Variants in RHOT1 observed in about 807,000 individuals in gnomAD.
The protein encoded by RHOT1 is mitochondrial Rho GTPase 1.
RHOT1 carries 27 observed loss-of-function variants against 95.3 expected under a neutral mutation model. That is an observed-to-expected ratio of 0.28 (90% CI 0.21 to 0.39). The LOEUF is 0.39. RHOT1 is among the 10% of genes least tolerant of loss of function. The probability of loss-of-function intolerance (pLI) is 1.00; values close to 1 mark genes in which losing one functional copy is unlikely to be tolerated. For missense variants in RHOT1, 578 were observed against 786.7 expected (o/e 0.73, Z 3.17); for synonymous variants, 227 against 263.5 (o/e 0.86, Z 1.34).
intron 19 of RHOT1, among the ~76,000 whole-genome samples, chr17:32,218,343 A>T (rs77980588): frequency 9.8e-4 from 149 of 151,974 alleles, no homozygotes; most frequent in African/African-American, 3.5e-3. Context: ...TTAAAAAAAT[A>T]AAAAAATTTT....
At chr17:32,206,240 TTG>T in intron 16 of RHOT1, among the ~76,000 whole-genome samples, 2 of 144,548 alleles carry the variant, frequency 1.4e-5, no homozygotes, top group Admixed American at 6.9e-5. Context: ...GGTTTCACTT[TTG>T]TCACCCAGGC....
intron 11 of RHOT1, among the ~76,000 whole-genome samples, chr17:32,196,181 C>CTTTT (rs1226938688): frequency 2.2e-5 from 3 of 134,536 alleles, no homozygotes; most frequent in Admixed American, 7.6e-5. Context: ...CAAGCTGCTG[C>CTTTT]TTTTTTTTTT....
At chr17:32,203,808 A>T (rs2037500340) in intron 15 of RHOT1, 82 bp from the exon 16 acceptor site, 2 of 930,364 alleles carry the variant, frequency 2.1e-6, no homozygotes, top group South Asian at 2.7e-5. Flanking sequence ...TTTATAACAC[A>T]CCTGCACATA....
chr17:32,179,008 G>C (rs7216773), intron 6 of RHOT1: 4,274 of 152,010 alleles, frequency 0.028, 208 homozygotes, highest in African/African-American at 0.1. Context: ...TGTCTGGGAA[G>C]TGAGGAGCGC....
chr17:32,143,234 C>A, intron 1 of RHOT1: 1 of 383,070 alleles, frequency 2.6e-6, no homozygotes. Context: ...CAGAACTATT[C>A]GACTTGTGGG....
rs34176535 is a variant in RHOT1, at chr17:32,206,441, C to CTTTTTTTTT, written c.1417-449_1417-441dup. ...GAAGATACTTATTTGTCTATACTTT[C>CTTTTTTTTT]TTTTTTTTTTTTTTTTTTTTTTTTT... is the stretch of plus-strand genomic sequence containing the variant. On this transcript the variant is annotated intron_variant, in intron 16 of 19. Coordinates refer to ENST00000545287, the MANE Select transcript of RHOT1 (RefSeq NM_001033566.3). Among the ~76,000 whole-genome samples the CTTTTTTTTT allele has an allele frequency of 8.8e-4, 59 of 67,026 alleles. 2 individuals are homozygous for CTTTTTTTTT. Among genetic ancestry groups the CTTTTTTTTT allele is most frequent in the East Asian group, 1.5e-3 (4 of 2,614 alleles). The allele number at this position is 67,026 out of a possible 152,430, so 44.0% of individuals were successfully genotyped here. A position where few individuals can be genotyped will look rare whatever the true frequency, so the allele number is the denominator to read the frequency against.
Position 32,175,353 on chromosome 17 carries a change from A to T in RHOT1, c.213A>T (p.Glu71Asp). ...AGAGTGATGAACAACTTCATCAAGA[A>T]ATATCTCAGGTGAGCTTTAAAAAAC... Reference protein sequence around the residue: ...AEQSDEQLHQEISQANVICIV... With the variant: ...AEQSDEQLHQDISQANVICIV... Residue 71 changes from glutamate (E) to aspartate (D), a missense_variant, in exon 4 of 20, where the codon GAA becomes GAT. This residue lies in a region of RHOT1 where 51 missense variants were observed against 114.7 expected (regional missense o/e 0.44). Transcript: ENST00000545287. The T allele has an allele frequency of 6.2e-7, 1 of 1,613,650 alleles. No homozygotes were observed. Among genetic ancestry groups the T allele is most frequent in the South Asian group, 1.1e-5 (1 of 91,062 alleles).
Position 32,210,973 on chromosome 17 carries a change from T to G in RHOT1, c.1740-143T>G, listed in dbSNP as rs1483721354. ...GGTAAATGTGGAATTCTGCACAACTTTAGCATGCCCCATACTGTCCTTTTC... is the reference window on the plus strand; with the variant it reads ...GGTAAATGTGGAATTCTGCACAACTGTAGCATGCCCCATACTGTCCTTTTC... On this transcript the variant is annotated intron_variant, in intron 18 of 19. Transcript: ENST00000545287. 8.0e-6 allele frequency: 5 copies of G among 628,828 alleles called. No homozygotes were observed. In the Admixed American group the frequency reaches 1.2e-4, roughly 15 times the overall value. 39.0% of individuals were successfully genotyped at this position (628,828 alleles called of 1,614,324 possible). A position where few individuals can be genotyped will look rare whatever the true frequency, so the allele number is the denominator to read the frequency against.
At chr17:32,169,443 G>T (rs1236342246) in intron 1 of RHOT1, among the ~76,000 whole-genome samples, 3 of 152,130 alleles carry the variant, frequency 2.0e-5, no homozygotes, top group African/African-American at 7.2e-5. Flanking sequence ...TAAAAAAATT[G>T]CTAGAATAGA....
chr17:32,157,589 G>T (rs2033091305), intron 1 of RHOT1, among the ~76,000 whole-genome samples: 1 of 152,100 alleles, frequency 6.6e-6, no homozygotes, highest in Non-Finnish European at 1.5e-5. Flanking sequence ...GGTGCATCAT[G>T]AGGTTAGGGT....
intron 1 of RHOT1, among the ~76,000 whole-genome samples, chr17:32,147,406 G>C (rs573470818): frequency 6.6e-6 from 1 of 151,918 alleles, no homozygotes; most frequent in Non-Finnish European, 1.5e-5. Context: ...CGGGAGACTT[G>C]CTTGACCCCA....
At chr17:32,176,256 A>C in intron 6 of RHOT1, 43 bp downstream of exon 6, 1 of 1,467,840 alleles carries the variant, frequency 6.8e-7, no homozygotes, top group Non-Finnish European at 9.4e-7. Context: ...AAAAAGTTTA[A>C]AGCTTGCAGA....
At chr17:32,151,939 C>T (rs955946233) in intron 1 of RHOT1, among the ~76,000 whole-genome samples, 3 of 150,470 alleles carry the variant, frequency 2.0e-5, no homozygotes, top group African/African-American at 4.9e-5. Context: ...AAGAGATTCA[C>T]GTTCTTTGAT....
chr17:32,170,602 A>G (rs2034497237), intron 1 of RHOT1, among the ~76,000 whole-genome samples: 1 of 152,206 alleles, frequency 6.6e-6, no homozygotes, highest in African/African-American at 2.4e-5. Flanking sequence ...TATTATCCTC[A>G]ACAAAAACTA....
chr17:32,201,833 T>C (rs186740767), intron 14 of RHOT1, among the ~76,000 whole-genome samples: 16 of 152,340 alleles, frequency 1.1e-4, no homozygotes, highest in South Asian at 2.1e-4. Context: ...CGGTTTTTTT[T>C]CTACTATCAC....
At chr17:32,193,292 A>AGGTGGGTAAATGGTATTTTTCCCCCT in intron 10 of RHOT1, 48 bp downstream of exon 10, 1 of 1,276,564 alleles carries the variant, frequency 7.8e-7, no homozygotes, top group Non-Finnish European at 1.1e-6. Context: ...TATTTTCAAA[A>AGGTGGGTAAATGGTATTTTTCCCCCT]TTTGGCAGAA....
Position 32,191,947 on chromosome 17 carries a change from A to G in RHOT1, c.541-254A>G. 1.3e-5 allele frequency among the ~76,000 whole-genome samples: 2 copies of G among 152,200 alleles called. 1 individual carries two copies. The highest frequency in any genetic ancestry group is 3.8e-4 in the East Asian group (2 of 5,204). Reference sequence around the variant, plus strand: ...CTAGAAAAATGAATCCCTCCTAAAGATGAACTTCTCTTTTCCCTGTTCTTA... The same window carrying G: ...CTAGAAAAATGAATCCCTCCTAAAGGTGAACTTCTCTTTTCCCTGTTCTTA... On this transcript the variant is annotated intron_variant, in intron 8 of 19. Coordinates refer to ENST00000545287, the MANE Select transcript of RHOT1 (RefSeq NM_001033566.3).
chr17:32,202,149 A>T (rs2037368571), intron 14 of RHOT1, among the ~76,000 whole-genome samples: 1 of 152,024 alleles, frequency 6.6e-6, no homozygotes, highest in South Asian at 2.1e-4. Flanking sequence ...TGACCTTGTG[A>T]TCTGCCCCTG....
chr17:32,206,600 C>T (rs1309110919), intron 16 of RHOT1, among the ~76,000 whole-genome samples: 2 of 151,618 alleles, frequency 1.3e-5, no homozygotes, highest in Admixed American at 1.3e-4. Flanking sequence ...TACAGGCACC[C>T]GCCACCACAC....
Sources: gnomAD v4.1 joint callset for allele counts (sites outside exome capture counted in the v4.1 genomes callset) on GRCh38, gnomAD v4.1.1 for gene constraint, gnomAD v4.1.1 regional missense constraint, MANE v1.5 for transcripts, NCBI Gene and HGNC (gene_info 2026-07-23, HGNC 2026-07-21) for gene names.